PLAGL1: variants seen among roughly 807,000 people sequenced by gnomAD.
PLAGL1 encodes zinc finger protein PLAGL1.
In PLAGL1, 1 loss-of-function variant was observed where a neutral mutation model predicts 4.6. That is an observed-to-expected ratio of 0.22 (90% CI 0.08 to 1.03). PLAGL1 has a LOEUF of 1.03. Ranked by LOEUF, PLAGL1 falls within the 50% of genes least tolerant of loss-of-function variation. PLAGL1 has a pLI of 0.58. For missense variants in PLAGL1, 464 were observed against 570.4 expected, an observed-to-expected ratio of 0.81 and a Z score of 1.90; for synonymous variants, 240 against 237.8, an observed-to-expected ratio of 1.01 and a Z score of -0.08.
rs921836005 is a variant in PLAGL1, at chr6:143,982,588, C to A, written c.-544+2547G>T. ...GGAGAAAGTATGAAACCAGGGAGAC[C>A]AGTTAGAAGGCTACTCTTATAAAGA... On this transcript the variant is annotated intron_variant, in intron 2 of 7. Coordinates refer to ENST00000674357, the MANE Select transcript of PLAGL1 (RefSeq NM_001317162.2). This position sits in a 1 kb window ranked among gnomAD's most constrained non-coding sequence, Gnocchi z 5.3. Among the ~76,000 whole-genome samples the A allele has an allele frequency of 1.3e-5, 2 of 152,072 alleles. No individual in the cohort carries two copies. Among genetic ancestry groups the A allele is most frequent in the Admixed American group, 1.3e-4 (2 of 15,260 alleles).
chr6:144,010,154 A>G (rs1025047164), upstream of PLAGL1, among the ~76,000 whole-genome samples: 1 of 152,142 alleles, frequency 6.6e-6, no homozygotes, highest in Non-Finnish European at 1.5e-5. The surrounding 1 kb of genome is among the most constrained non-coding windows in gnomAD (Gnocchi z 4.1). Context: ...AAGCGTTCCT[A>G]TTTCTCCACA....
intron 1 of PLAGL1, among the ~76,000 whole-genome samples, chr6:144,020,496 C>A (rs1795890608): frequency 6.6e-6 from 1 of 152,026 alleles, no homozygotes; most frequent in Non-Finnish European, 1.5e-5. Context: ...ACCATGTTGG[C>A]CAGGCTGGTC....
rs1799678172 is a variant in PLAGL1 at position 144,064,415 on chromosome 6, G to A, written c.-151+53C>T. 2.0e-5 allele frequency: 3 copies of A among 152,162 alleles called. No individual in the cohort carries two copies. Among genetic ancestry groups the A allele is most frequent in the Admixed American group, 1.3e-4 (2 of 15,268 alleles). 9.4% of individuals were successfully genotyped at this position (152,162 alleles called of 1,614,324 possible). A position where few individuals can be genotyped will look rare whatever the true frequency, so the allele number is the denominator to read the frequency against. ...CGCCGCGCCCCCGGCTCCCCGCCCC[G>A]CTGCCAGCCAGTTCTCTCGCTCGCC... On this transcript the variant is annotated intron_variant, in intron 1 of 3. Coordinates refer to the PLAGL1 transcript ENST00000437412. The surrounding 1 kb of genome is among the most constrained non-coding windows in gnomAD (Gnocchi z 6.8).
chr6:143,981,250 G>A (rs1430798877), intron 2 of PLAGL1, among the ~76,000 whole-genome samples: 1 of 150,326 alleles, frequency 6.7e-6, no homozygotes, highest in African/African-American at 2.5e-5. Context: ...CACTCTGAAT[G>A]GTGGGGGTGG....
Position 144,004,551 on chromosome 6 carries a change from C to T in PLAGL1, c.-584+3539G>A, listed in dbSNP as rs1793729712. ...AAAACATTTGAAAATAATACATGGTCATAGAAATCGGGACAGTAGTTGACT... is the reference window on the plus strand; with the variant it reads ...AAAACATTTGAAAATAATACATGGTTATAGAAATCGGGACAGTAGTTGACT... On this transcript the variant is annotated intron_variant, in intron 1 of 7. Transcript: ENST00000674357. The surrounding 1 kb of genome is among the most constrained non-coding windows in gnomAD (Gnocchi z 4.2). Among the ~76,000 whole-genome samples the T allele has an allele frequency of 6.6e-6, 1 of 152,152 alleles. No individual in the cohort carries two copies. The highest frequency in any genetic ancestry group is 1.5e-5 in the Non-Finnish European group (1 of 68,020).
chr6:143,988,196 C>T (rs1420585744), intron 1 of PLAGL1, among the ~76,000 whole-genome samples: 1 of 152,186 alleles, frequency 6.6e-6, no homozygotes, highest in Non-Finnish European at 1.5e-5. Flanking sequence ...TGTATGGTTC[C>T]TCAGTGGTTC....
chr6:143,946,644 A>G (rs1344722597), intron 7 of PLAGL1, among the ~76,000 whole-genome samples: 1 of 152,206 alleles, frequency 6.6e-6, no homozygotes, highest in Non-Finnish European at 1.5e-5. Flanking sequence ...CATCTTTTCA[A>G]TTCTTTCAAG....
upstream of PLAGL1, among the ~76,000 whole-genome samples, chr6:144,010,208 A>G (rs1164693569): frequency 6.6e-6 from 1 of 152,154 alleles, no homozygotes; most frequent in Non-Finnish European, 1.5e-5. This position sits in a 1 kb window ranked among gnomAD's most constrained non-coding sequence, Gnocchi z 4.1. Flanking sequence ...AATGATTATC[A>G]TTCTAACTGG....
rs2128521227 is a variant in PLAGL1, at chr6:143,948,790, A to ACAG, written c.-324-331_-324-330insCTG. ...AACAACAACAACAACAACAACAACA[A>ACAG]CAAACAAAAACCTCCCTCCCTCAGT... On this transcript the variant is annotated intron_variant, in intron 6 of 7. Coordinates refer to ENST00000674357, the MANE Select transcript of PLAGL1 (RefSeq NM_001317162.2). The surrounding 1 kb of genome is among the most constrained non-coding windows in gnomAD (Gnocchi z 6.0). Among the ~76,000 whole-genome samples the ACAG allele has an allele frequency of 6.6e-6, 1 of 150,864 alleles. No homozygotes were observed. Among genetic ancestry groups the ACAG allele is most frequent in the East Asian group, 1.9e-4 (1 of 5,170 alleles).
At chr6:144,033,430 T>C (rs564242361) in intron 1 of PLAGL1, among the ~76,000 whole-genome samples, 1 of 152,266 alleles carries the variant, frequency 6.6e-6, no homozygotes, top group East Asian at 1.9e-4. Context: ...AGCCTTGGAA[T>C]TGGGGAGTGG....
Position 143,950,267 on chromosome 6 carries a change from TTAAC to T in PLAGL1, c.-324-1811_-324-1808del, listed in dbSNP as rs1780761242. Among the ~76,000 whole-genome samples the T allele has an allele frequency of 6.6e-6, 1 of 152,156 alleles. No homozygotes were observed. On this transcript the variant is annotated intron_variant, in intron 6 of 7. Coordinates refer to ENST00000674357, the MANE Select transcript of PLAGL1 (RefSeq NM_001317162.2). The surrounding 1 kb of genome is among the most constrained non-coding windows in gnomAD (Gnocchi z 6.3). ...ACAACCTCTGCAATTATGTGTGACTTTAACTAATTACCTGTCCCGGCTCTGCCCA... is the reference window on the plus strand; with the variant it reads ...ACAACCTCTGCAATTATGTGTGACTTTAATTACCTGTCCCGGCTCTGCCCA...
intron 1 of PLAGL1, among the ~76,000 whole-genome samples, chr6:144,028,409 C>T (rs1796532196): frequency 6.6e-6 from 1 of 151,948 alleles, no homozygotes; most frequent in South Asian, 2.1e-4. Flanking sequence ...AACTGTAACT[C>T]AGTAAAGCTG....
intron 1 of PLAGL1, among the ~76,000 whole-genome samples, chr6:143,996,826 A>G (rs1791730323): frequency 6.6e-6 from 1 of 152,126 alleles, no homozygotes; most frequent in African/African-American, 2.4e-5. Flanking sequence ...GAGCAATTAA[A>G]TCTCGATCCT....
At chr6:144,052,990 A>G (rs1798688398) in intron 1 of PLAGL1, among the ~76,000 whole-genome samples, 2 of 152,194 alleles carry the variant, frequency 1.3e-5, no homozygotes, top group Admixed American at 1.3e-4. Flanking sequence ...ACAGAAAAAA[A>G]TTATACTCAC....
At chr6:144,009,842 A>G (rs1034220928), upstream of PLAGL1, among the ~76,000 whole-genome samples, 2 of 152,232 alleles carry the variant, frequency 1.3e-5, no homozygotes, top group Non-Finnish European at 2.9e-5. Context: ...TACAAAGGAC[A>G]TGAACTCATC....
rs568845784 is a variant in PLAGL1 at position 144,048,602 on chromosome 6, C to A, written c.-151+15866G>T. On this transcript the variant is annotated intron_variant, in intron 1 of 3. Transcript: ENST00000437412. This position sits in a 1 kb window ranked among gnomAD's most constrained non-coding sequence, Gnocchi z 4.8. The stretch of plus-strand genomic sequence containing the variant: ...GCAATGGCTTGAGCTGTATGTTGGC[C>A]CCTTTTAGCTATGGCTGGGACACAG... Among the ~76,000 whole-genome samples the A allele has an allele frequency of 6.6e-6, 1 of 152,180 alleles. No homozygotes were observed. The highest frequency in any genetic ancestry group is 2.4e-5 in the African/African-American group (1 of 41,436).
Position 143,971,731 on chromosome 6 carries a change from A to G in PLAGL1, c.-543-2753T>C, listed in dbSNP as rs1330463534. Among the ~76,000 whole-genome samples, 1 of 152,232 alleles carries G rather than the reference A, an allele frequency of 6.6e-6. No homozygotes were observed. Among genetic ancestry groups the G allele is most frequent in the Non-Finnish European group, 1.5e-5 (1 of 68,038 alleles). On this transcript the variant is annotated intron_variant, in intron 2 of 7. Transcript: ENST00000674357. The surrounding 1 kb of genome is among the most constrained non-coding windows in gnomAD (Gnocchi z 4.7). ...GTAAATCTGGTTAAAGAAATTGTCAAGGGAGGTTTTGACTTTTGCTATTAT... is the reference window on the plus strand; with the variant it reads ...GTAAATCTGGTTAAAGAAATTGTCAGGGGAGGTTTTGACTTTTGCTATTAT...
chr6:143,991,290 TAACC>T (rs1198444621), intron 1 of PLAGL1, among the ~76,000 whole-genome samples: 1 of 152,232 alleles, frequency 6.6e-6, no homozygotes, highest in African/African-American at 2.4e-5. Context: ...AGTTCAAAGC[TAACC>T]AACCAAGTCC....
rs1030081455 is a variant in PLAGL1, at chr6:144,006,989, C to T, written c.-584+1101G>A. The T allele has an allele frequency of 1.3e-5, 2 of 152,070 alleles. No homozygotes were observed. The highest frequency in any genetic ancestry group is 4.8e-5 in the African/African-American group (2 of 41,374). 9.4% of individuals were successfully genotyped at this position (152,070 alleles called of 1,614,324 possible). A position where few individuals can be genotyped will look rare whatever the true frequency, so the allele number is the denominator to read the frequency against. On this transcript the variant is annotated intron_variant, in intron 1 of 7. Transcript: ENST00000674357. This position sits in a 1 kb window ranked among gnomAD's most constrained non-coding sequence, Gnocchi z 4.3. ...TCATCCATTTAAATGACTTTACGACCCACTAAAATGGACTTCAAATTCTGA... is the reference window on the plus strand; with the variant it reads ...TCATCCATTTAAATGACTTTACGACTCACTAAAATGGACTTCAAATTCTGA...
Sources: gnomAD v4.1 joint callset for allele counts (sites outside exome capture counted in the v4.1 genomes callset) on GRCh38, gnomAD v4.1.1 for gene constraint, Gnocchi (gnomAD v3.1) non-coding constraint, MANE v1.5 for transcripts, NCBI Gene and HGNC (gene_info 2026-07-23, HGNC 2026-07-21) for gene names.